The following ZNF77 variants were observed in gnomAD, a reference collection of about 807,000 sequenced individuals.
ZNF77 encodes ZNFpT1.
ZNF77 carries 15 observed loss-of-function variants against 13.5 expected under a neutral mutation model. That is an observed-to-expected ratio of 1.11 (90% confidence interval 0.74 to 1.71). ZNF77 has a LOEUF of 1.71. Among genes scored for constraint, ZNF77 ranks in the 40% most tolerant of loss-of-function variants. ZNF77 has a pLI of 0.00. For synonymous variants in ZNF77, 282 were observed against 250.0 expected (o/e 1.13, Z -1.21); for missense variants, 717 against 676.4 (o/e 1.06, Z -0.67).
chr19:2,942,993 G>T (rs555669680), intron 1 of ZNF77, among the ~76,000 whole-genome samples: 2 of 152,086 alleles, frequency 1.3e-5, no homozygotes, highest in Non-Finnish European at 2.9e-5. Flanking sequence ...TGTTGGCCAG[G>T]CTGGTCTTGA....
intron 1 of ZNF77, among the ~76,000 whole-genome samples, chr19:2,942,264 G>C (rs1468624800): frequency 6.6e-6 from 1 of 151,426 alleles, no homozygotes; most frequent in Non-Finnish European, 1.5e-5. Context: ...TAGAGACGGG[G>C]TTTCCCCATG....
In ZNF77 at chr19:2,939,779, C is replaced by G. The variant is rs2088433550; in HGVS notation, c.4-372G>C. 3.2e-5 allele frequency: 8 copies of G among 253,052 alleles called. No homozygotes were observed. The South Asian group carries it at 3.2e-4, about 10-fold the overall frequency. 15.7% of individuals were successfully genotyped at this position (253,052 alleles called of 1,614,324 possible). The stretch of plus-strand genomic sequence containing the variant: ...TTAGGGCCAGGAGTTGGCGACCAGC[C>G]TGGGCTGCATAGTGAGATCCCGTCT... On this transcript the variant is annotated intron_variant, in intron 1 of 3. Transcript: ENST00000314531.
rs1228180057 is a variant in ZNF77 at position 2,936,575 on chromosome 19, C to G, written c.260G>C (p.Trp87Ser). The change falls in exon 3 of 4, where the codon TGG (tryptophan) becomes TCG (serine). Residue 87 changes from tryptophan (W) to serine (S), a missense_variant. By Grantham distance (177) the Trp-to-Ser change is radical. Transcript: ENST00000314531. The part of the protein sequence containing the change: ...SDSWSIFGEN[W>S]RFDNTGDQHQ... Reference sequence around the variant, plus strand: ...CTGATCTCCAGTGTTATCAAATCTCCAATTTTCTCCAAAAATAGACCAGGA... The same window carrying G: ...CTGATCTCCAGTGTTATCAAATCTCGAATTTTCTCCAAAAATAGACCAGGA... 4.3e-6 allele frequency: 7 copies of G among 1,611,312 alleles called. No homozygotes were observed. In the South Asian group the frequency reaches 6.7e-5, roughly 15 times the overall value.
rs140476712 is a variant in ZNF77 at position 2,939,338 on chromosome 19, G to A, written c.73C>T (p.Gln25Ter). Residue 25 changes from glutamine to a stop codon, truncating the protein, a stop_gained, in exon 2 of 4, where the codon CAG (glutamine) becomes TAG (stop). Coordinates refer to ENST00000314531, the MANE Select transcript of ZNF77 (RefSeq NM_021217.3). LOFTEE classifies it high-confidence loss of function. The part of the protein sequence containing the change: ...PEEWALLDHA[Q>*]RSLYRDVMLE... The stretch of plus-strand genomic sequence containing the variant: ...ATCACATCTCTGTAGAGGCTCCTCT[G>A]AGCATGATCCAGCAATGCCCACTCT... 5 of 1,614,144 alleles carry A rather than the reference G, an allele frequency of 3.1e-6. No individual in the cohort carries two copies. In the Admixed American group the frequency reaches 8.3e-5, roughly 27 times the overall value.
At position 2,939,169 on chromosome 19, in the gene ZNF77, C is replaced by T. The variant is rs12610380; in HGVS notation, c.130+112G>A. 3.3e-4 allele frequency: 83 copies of T among 250,676 alleles called. 1 individual carries two copies. The highest frequency in any genetic ancestry group is 8.6e-4 in the East Asian group (9 of 10,428). The allele number at this position is 250,676 out of a possible 1,614,324, so 15.5% of individuals were successfully genotyped here. The stretch of plus-strand genomic sequence containing the variant: ...AGGAGGCAGTGAGGGAATGACGCCA[C>T]CCTTACCCAAGGAGGCAGTGAGGGA... On this transcript the variant is annotated intron_variant, in intron 2 of 3. Coordinates refer to ENST00000314531, the MANE Select transcript of ZNF77 (RefSeq NM_021217.3).
intron 1 of ZNF77, among the ~76,000 whole-genome samples, chr19:2,943,563 C>T (rs902439515): frequency 2.6e-5 from 4 of 151,882 alleles, no homozygotes; most frequent in Admixed American, 6.6e-5. Context: ...TTCTGCTTGT[C>T]CCCTAAAACG....
intron 1 of ZNF77, among the ~76,000 whole-genome samples, chr19:2,940,482 G>T (rs1333225973): frequency 6.6e-6 from 1 of 152,114 alleles, no homozygotes. Context: ...AGACCATCCT[G>T]GCCAACATGG....
chr19:2,935,658 C>T (rs1335968545), intron 3 of ZNF77, among the ~76,000 whole-genome samples: 2 of 152,066 alleles, frequency 1.3e-5, no homozygotes, highest in Non-Finnish European at 2.9e-5. Flanking sequence ...ATGAAGTTTC[C>T]TGATATTGTT....
At chr19:2,942,455 C>A (rs2088458321) in intron 1 of ZNF77, among the ~76,000 whole-genome samples, 1 of 143,846 alleles carries the variant, frequency 7.0e-6, no homozygotes, top group Non-Finnish European at 1.5e-5. Context: ...AACTCGTGGG[C>A]TCAAGCGATT....
At chr19:2,938,681 G>C (rs1441220288) in intron 2 of ZNF77, among the ~76,000 whole-genome samples, 1 of 152,160 alleles carries the variant, frequency 6.6e-6, no homozygotes, top group Non-Finnish European at 1.5e-5. Context: ...CTTAGGCCGG[G>C]CGCGGTGGCT....
chr19:2,939,632 A>C lies in ZNF77; in HGVS notation c.4-225T>G, dbSNP rs984017363. ...CTCTGCCAGAGACTTACAAAGAATT[A>C]CTGAGAAACGGCAGGTATGAGGGTG... On this transcript the variant is annotated intron_variant, in intron 1 of 3. Transcript: ENST00000314531. 5 of 538,880 alleles carry C rather than the reference A, an allele frequency of 9.3e-6. No homozygotes were observed. In the African/African-American group the frequency reaches 9.5e-5, roughly 10 times the overall value. The allele number at this position is 538,880 out of a possible 1,614,324, so 33.4% of individuals were successfully genotyped here.
At chr19:2,938,773 G>C (rs375585699) in intron 2 of ZNF77, among the ~76,000 whole-genome samples, 2,638 of 151,960 alleles carry the variant, frequency 0.017, 31 homozygotes, top group Middle Eastern at 0.089. Flanking sequence ...TGGCTAACAC[G>C]GTGAAACCCC....
intron 1 of ZNF77, among the ~76,000 whole-genome samples, chr19:2,941,761 C>T (rs564155222): frequency 1.3e-5 from 2 of 152,292 alleles, no homozygotes; most frequent in East Asian, 3.9e-4. Context: ...GTCTGATGCG[C>T]AGATACTAAC....
rs1285345639 is a variant in ZNF77, at chr19:2,934,486, C to T, written c.641G>A (p.Cys214Tyr). Residue 214 changes from cysteine to tyrosine, a missense_variant, in exon 4 of 4, where the codon TGT becomes TAT. Physicochemically the swap from Cys to Tyr is radical, Grantham distance 194. Transcript: ENST00000314531. ...AATGAAAGCTTTTCCACATTTCTGA[C>T]ATTCATAAGACTTTTTACTGCTGAG... ...KSLSSKKSYE[C>Y]QKCGKAFICP... 4 of 1,614,092 alleles carry T rather than the reference C, an allele frequency of 2.5e-6. No homozygotes were observed. The highest frequency in any genetic ancestry group is 3.4e-6 in the Non-Finnish European group (4 of 1,180,038).
chr19:2,939,632 A>G (rs984017363), intron 1 of ZNF77: 1 of 538,998 alleles, frequency 1.9e-6, no homozygotes, highest in Non-Finnish European at 3.3e-6. Flanking sequence ...ACAAAGAATT[A>G]CTGAGAAACG....
intron 3 of ZNF77, among the ~76,000 whole-genome samples, chr19:2,935,608 G>A (rs1461918691): frequency 6.6e-6 from 1 of 151,972 alleles, no homozygotes; most frequent in African/African-American, 2.4e-5. Context: ...TGGGATTACA[G>A]GCGTGAGCCA....
Position 2,944,829 on chromosome 19 carries a change from G to C in ZNF77, c.3+9C>G, listed in dbSNP as rs766842119. 7 of 1,522,494 alleles carry C rather than the reference G, an allele frequency of 4.6e-6. No homozygotes were observed. The South Asian group carries it at 8.5e-5, about 18-fold the overall frequency. 94.3% of individuals were successfully genotyped at this position (1,522,494 alleles called of 1,614,324 possible). On this transcript the variant is annotated intron_variant, in intron 1 of 3. Transcript: ENST00000314531. ...CTGGGCCCGGGCTCGGCTCCCGCCC[G>C]GCACTCACCATGTCCCGCCCGCTCC...
intron 1 of ZNF77, among the ~76,000 whole-genome samples, chr19:2,940,547 C>T (rs2088440238): frequency 1.3e-5 from 2 of 152,084 alleles, no homozygotes; most frequent in African/African-American, 4.8e-5. Context: ...GTGGCACACG[C>T]CTGTAGTCTC....
chr19:2,940,757 T>C (rs975255637), intron 1 of ZNF77, among the ~76,000 whole-genome samples: 2 of 151,902 alleles, frequency 1.3e-5, no homozygotes, highest in Non-Finnish European at 2.9e-5. Flanking sequence ...TCATTTCAAA[T>C]TGGATGCCAA....
Sources: allele counts gnomAD v4.1 joint callset (sites outside exome capture counted in the v4.1 genomes callset), GRCh38; gene constraint gnomAD v4.1.1; transcripts MANE v1.5; gene names NCBI Gene and HGNC (gene_info 2026-07-23, HGNC 2026-07-21).